Variants in RDH5 observed in about 807,000 individuals in gnomAD.
RDH5 encodes retinol dehydrogenase 5.
In RDH5, 25 loss-of-function variants were observed where a neutral mutation model predicts 24.0. That is an observed-to-expected ratio of 1.04 (90% CI 0.76 to 1.46). The LOEUF is 1.46. Among genes scored for constraint, RDH5 ranks in the 40% most tolerant of loss-of-function variants. The pLI is 0.00. For missense variants in RDH5, 369 were observed against 410.3 expected (o/e 0.90, Z 0.87); for synonymous variants, 170 against 175.2 (o/e 0.97, Z 0.23).
rs104894374 is a variant in RDH5, at chr12:55,721,847, C to A, written c.469C>A (p.Arg157=). 1 of 1,614,022 alleles carries A rather than the reference C, an allele frequency of 6.2e-7. No homozygotes were observed. Among genetic ancestry groups the A allele is most frequent in the Middle Eastern group, 1.7e-4 (1 of 6,018 alleles). The part of the protein sequence containing the change: ...LLPLLQQARG[R]VINITSVLGR... The stretch of plus-strand genomic sequence containing the variant: ...GCCTCTGCTGCAGCAAGCCCGGGGC[C>A]GGGTGATCAACATCACCAGCGTCCT... The change falls in exon 3 of 5, where the codon CGG becomes AGG. Residue 157 remains arginine (R), a synonymous_variant. Transcript: ENST00000257895. This position sits in a 1 kb window ranked among gnomAD's most constrained non-coding sequence, Gnocchi z 4.7.
chr12:55,724,696 C>A lies in RDH5; in HGVS notation c.*151C>A. The A allele has an allele frequency of 1.2e-6, 1 of 808,126 alleles. No homozygotes were observed. Among genetic ancestry groups the A allele is most frequent in the Non-Finnish European group, 2.0e-6 (1 of 488,462 alleles). 50.1% of individuals were successfully genotyped at this position (808,126 alleles called of 1,614,324 possible). A position where few individuals can be genotyped will look rare whatever the true frequency, so the allele number is the denominator to read the frequency against. On this transcript the variant is annotated 3_prime_UTR_variant, in exon 5 of 5. Transcript: ENST00000257895. ...TAAAAAGAAGGTGGGCAGAAATGTG[C>A]CCAGTGGAAGGCTGACCCCATTTAA...
At chr12:55,723,797 G>A in intron 3 of RDH5, 89 bp from the exon 4 acceptor site, 1 of 1,486,448 alleles carries the variant, frequency 6.7e-7, no homozygotes, top group Non-Finnish European at 9.3e-7. Flanking sequence ...CTGGTCTGTG[G>A]TAACTTTCTC....
chr12:55,724,146 G>C, intron 4 of RDH5, 97 bp downstream of exon 4: 1 of 1,503,322 alleles, frequency 6.7e-7, no homozygotes, highest in Non-Finnish European at 9.0e-7. Flanking sequence ...GGGGCACCCA[G>C]GGCAGGGTTG....
Position 55,721,460 on chromosome 12 carries a change from AG to A in RDH5, c.277del (p.Ala93ProfsTer17), listed in dbSNP as rs779659666. The A allele has an allele frequency of 6.2e-7, 1 of 1,611,880 alleles. No homozygotes were observed. Among genetic ancestry groups the A allele is most frequent in the Non-Finnish European group, 8.5e-7 (1 of 1,180,012 alleles). Reference sequence around the variant, plus strand: ...CTGATCCCCAGAGCGTCCAGCAGGCAGCCAAGTGGGTGGAGATGCACGTTAA... The same window carrying A: ...CTGATCCCCAGAGCGTCCAGCAGGCACCAAGTGGGTGGAGATGCACGTTAA... ...ITDPQSVQQA[A>X]KWVEMHVKEA... On this transcript the variant is annotated frameshift_variant, in exon 2 of 5. Coordinates refer to ENST00000257895, the MANE Select transcript of RDH5 (RefSeq NM_002905.5). LOFTEE classifies it high-confidence loss of function. This position sits in a 1 kb window ranked among gnomAD's most constrained non-coding sequence, Gnocchi z 4.7.
At position 55,721,236 on chromosome 12, in the gene RDH5, C is replaced by A. The variant is rs200866394; in HGVS notation, c.52C>A (p.Leu18Ile). 3.7e-6 allele frequency: 6 copies of A among 1,614,048 alleles called. No homozygotes were observed. In the Admixed American group the frequency reaches 1.0e-4, roughly 27 times the overall value. Residue 18 changes from leucine (L) to isoleucine (I), a missense_variant, in exon 2 of 5, where the codon CTC becomes ATC. Leu to Ile is a conservative substitution (Grantham distance 5). Coordinates refer to ENST00000257895, the MANE Select transcript of RDH5 (RefSeq NM_002905.5). This position sits in a 1 kb window ranked among gnomAD's most constrained non-coding sequence, Gnocchi z 4.7. ...GALLWAVLWL[L>I]RDRQSLPASN... ...CTTACTCTGGGCAGTGCTGTGGTTGCTCAGGGACCGGCAGAGCCTGCCCGC... is the reference window on the plus strand; with the variant it reads ...CTTACTCTGGGCAGTGCTGTGGTTGATCAGGGACCGGCAGAGCCTGCCCGC...
In RDH5 at chr12:55,721,184, T is replaced by C. The variant is rs1876894056; in HGVS notation, c.-1T>C. On this transcript the variant is annotated 5_prime_UTR_variant, in exon 2 of 5. Transcript: ENST00000257895. The surrounding 1 kb of genome is among the most constrained non-coding windows in gnomAD (Gnocchi z 4.7). ...ACCTGTAGGTCACTTGGGCTCCAGC[T>C]ATGTGGCTGCCTCTTCTGCTGGGTG... The C allele has an allele frequency of 9.9e-6, 16 of 1,613,848 alleles. No homozygotes were observed. The highest frequency in any genetic ancestry group is 1.4e-5 in the Non-Finnish European group (16 of 1,180,012).
At chr12:55,722,577 C>T (rs1876979586) in intron 3 of RDH5, 1 of 151,258 alleles carries the variant, frequency 6.6e-6, no homozygotes, top group Non-Finnish European at 1.5e-5. Flanking sequence ...CTCTTGTTGC[C>T]TAGGCTGGAG....
intron 4 of RDH5, 65 bp downstream of exon 4, chr12:55,724,114 A>G (rs1877078183): frequency 1.3e-6 from 2 of 1,567,196 alleles, no homozygotes; most frequent in African/African-American, 1.4e-5. Flanking sequence ...CCAGTCCTGC[A>G]TAAGCCTGCT....
At position 55,724,388 on chromosome 12, in the gene RDH5, G is replaced by T; in HGVS notation, c.800G>T (p.Cys267Phe). 1 of 1,614,220 alleles carries T rather than the reference G, an allele frequency of 6.2e-7. No individual in the cohort carries two copies. The highest frequency in any genetic ancestry group is 8.5e-7 in the Non-Finnish European group (1 of 1,180,042). ...CCGGACCTAACCAAGGTGAGCCGAT[G>T]CCTGGAGCATGCCCTGACTGCTCGA... ...CDPDLTKVSRCLEHALTARHP... is the reference protein window; with the variant it reads ...CDPDLTKVSRFLEHALTARHP... The change falls in exon 5 of 5, where the codon TGC becomes TTC. Residue 267 changes from cysteine to phenylalanine, a missense_variant. By Grantham distance (205) the Cys-to-Phe change is radical (BLOSUM62 -2). Coordinates refer to ENST00000257895, the MANE Select transcript of RDH5 (RefSeq NM_002905.5).
chr12:55,724,176 A>G, intron 4 of RDH5, 127 bp downstream of exon 4: 2 of 1,458,068 alleles, frequency 1.4e-6, no homozygotes, highest in East Asian at 4.9e-5. Flanking sequence ...AGGATGTTAC[A>G]AGAGTGCCCA....
In RDH5 at chr12:55,721,703, G is replaced by C. The variant is rs754600338; in HGVS notation, c.325G>C (p.Val109Leu). ...HVKEAGLFGL[V>L]NNAGVAGIIG... ...TCTCCCCACAGGGCTTTTTGGTCTG[G>C]TGAATAATGCTGGTGTGGCTGGTAT... is the stretch of plus-strand genomic sequence containing the variant. Residue 109 changes from valine to leucine, a missense_variant, in exon 3 of 5, where the codon GTG becomes CTG. Coordinates refer to ENST00000257895, the MANE Select transcript of RDH5 (RefSeq NM_002905.5). This position sits in a 1 kb window ranked among gnomAD's most constrained non-coding sequence, Gnocchi z 4.7. 1.2e-6 allele frequency: 2 copies of C among 1,611,872 alleles called. No individual in the cohort carries two copies. Among genetic ancestry groups the C allele is most frequent in the Non-Finnish European group, 1.7e-6 (2 of 1,180,032 alleles).
chr12:55,722,198 G>C (rs1056748831), intron 3 of RDH5: 1 of 453,826 alleles, frequency 2.2e-6, no homozygotes, highest in African/African-American at 2.0e-5. Context: ...TCGCCAGGCT[G>C]GAGTGCAGTG....
intron 1 of RDH5, chr12:55,720,801 T>C (rs1291327312): frequency 8.3e-6 from 2 of 241,614 alleles, no homozygotes; most frequent in Non-Finnish European, 1.6e-5. Context: ...GTGTCCCTGG[T>C]TTAGAAGGAG....
At position 55,723,909 on chromosome 12, in the gene RDH5, TACGAGTCTCCATCGTG is replaced by T; in HGVS notation, c.594_609del (p.Ile198MetfsTer10). 6.2e-7 allele frequency: 1 copy of T among 1,614,124 alleles called. No individual in the cohort carries two copies. Among genetic ancestry groups the T allele is most frequent in the Non-Finnish European group, 8.5e-7 (1 of 1,180,036 alleles). On this transcript the variant is annotated frameshift_variant, in exon 4 of 5. Coordinates refer to ENST00000257895, the MANE Select transcript of RDH5 (RefSeq NM_002905.5). LOFTEE classifies it high-confidence loss of function. ...AGGCGGGATGTAGCTCATTTTGGGA[TACGAGTCTCCATCGTG>T]GAGCCTGGCTTCTTCCGAACCCCTG...
At chr12:55,723,035 T>C (rs1338490320) in intron 3 of RDH5, 1 of 152,118 alleles carries the variant, frequency 6.6e-6, no homozygotes, top group Non-Finnish European at 1.5e-5. Flanking sequence ...TGGAGTGCAG[T>C]GGTGCAGTCA....
Position 55,721,935 on chromosome 12 carries a change from C to CT in RDH5, c.558dup (p.Asp187Ter), listed in dbSNP as rs1488443545. On this transcript the variant is annotated frameshift_variant, in exon 3 of 5. Transcript: ENST00000257895. LOFTEE classifies it high-confidence loss of function. The surrounding 1 kb of genome is among the most constrained non-coding windows in gnomAD (Gnocchi z 4.7). ...TCCAAATTTGGCCTGGAGGCCTTCT[C>CT]TGACAGCCTGAGGTGAGGGGTACAG... is the stretch of plus-strand genomic sequence containing the variant. 1.2e-6 allele frequency: 2 copies of CT among 1,613,062 alleles called. No homozygotes were observed. Among genetic ancestry groups the CT allele is most frequent in the African/African-American group, 2.7e-5 (2 of 74,916 alleles).
Position 55,721,677 on chromosome 12 carries a change from A to G in RDH5, c.311-12A>G, listed in dbSNP as rs369461881. 195 of 1,608,368 alleles carry G rather than the reference A, an allele frequency of 1.2e-4. No homozygotes were observed. The highest frequency in any genetic ancestry group is 1.6e-4 in the Non-Finnish European group (187 of 1,179,994). On this transcript the variant is annotated splice_polypyrimidine_tract_variant and intron_variant, in intron 2 of 4. Coordinates refer to ENST00000257895, the MANE Select transcript of RDH5 (RefSeq NM_002905.5). The surrounding 1 kb of genome is among the most constrained non-coding windows in gnomAD (Gnocchi z 4.7). ...CTCACCTACCCCCAGCATCCTTTTC[A>G]TCTCCCCACAGGGCTTTTTGGTCTG... is the stretch of plus-strand genomic sequence containing the variant.
chr12:55,723,750 C>G, intron 3 of RDH5, 136 bp from the exon 4 acceptor site: 2 of 978,700 alleles, frequency 2.0e-6, no homozygotes, highest in Non-Finnish European at 3.2e-6. Context: ...TGACCCTTGT[C>G]CCGGGGCAGT....
At position 55,721,744 on chromosome 12, in the gene RDH5, A is replaced by G. The variant is rs61733971; in HGVS notation, c.366A>G (p.Pro122=). ...AGVAGIIGPT[P]WLTRDDFQRV... is the part of the protein sequence containing the mutation. Reference sequence around the variant, plus strand: ...TGGCTGGTATCATCGGACCCACACCATGGCTGACCCGGGACGATTTCCAGC... The same window carrying G: ...TGGCTGGTATCATCGGACCCACACCGTGGCTGACCCGGGACGATTTCCAGC... Residue 122 remains proline, a synonymous_variant, in exon 3 of 5, where the codon CCA becomes CCG. Coordinates refer to ENST00000257895, the MANE Select transcript of RDH5 (RefSeq NM_002905.5). The surrounding 1 kb of genome is among the most constrained non-coding windows in gnomAD (Gnocchi z 4.7). 395 of 1,613,730 alleles carry G rather than the reference A, an allele frequency of 2.4e-4. 3 individuals are homozygous for G. The African/African-American group carries it at 4.6e-3, about 19-fold the overall frequency.
Sources: allele counts gnomAD v4.1 joint callset, GRCh38; gene constraint gnomAD v4.1.1; non-coding constraint Gnocchi (gnomAD v3.1); transcripts MANE v1.5; gene names NCBI Gene and HGNC (gene_info 2026-07-23, HGNC 2026-07-21).